PTPRD: variants seen among roughly 807,000 people sequenced by gnomAD.
PTPRD encodes the protein protein tyrosine phosphatase receptor type D, also known as receptor-type tyrosine-protein phosphatase delta.
A neutral mutation model predicts 214.5 loss-of-function variants in PTPRD; 34 were observed. That is an observed-to-expected ratio of 0.16 (90% CI 0.12 to 0.21). The LOEUF is 0.21. Ranked by LOEUF, PTPRD falls within the 10% of genes least tolerant of loss-of-function variation. The pLI is 1.00. For synonymous variants in PTPRD, 1,128 were observed against 845.7 expected (o/e 1.33, Z -5.79); for missense variants, 2,545 against 2,398.7 (o/e 1.06, Z -1.27).
rs186646819 is a variant in PTPRD, at chr9:10,262,230, A to T, written c.-545+78733T>A. Among the ~76,000 whole-genome samples, 197 of 152,332 alleles carry T rather than the reference A, an allele frequency of 1.3e-3. 1 individual carries two copies. In the Middle Eastern group the frequency reaches 0.014, roughly 11 times the overall value. On this transcript the variant is annotated intron_variant, in intron 3 of 45. Transcript: ENST00000381196. Reference sequence around the variant, plus strand: ...TTTTCAAGAAATGGTGAAAATGTTAAAGAATAAACAATATTTTGAAAAAGG... The same window carrying T: ...TTTTCAAGAAATGGTGAAAATGTTATAGAATAAACAATATTTTGAAAAAGG...
rs909589365 is a variant in PTPRD, at chr9:8,911,802, A to T, written c.-104+106895T>A. 5.3e-5 allele frequency among the ~76,000 whole-genome samples: 8 copies of T among 152,310 alleles called. No individual in the cohort carries two copies. The East Asian group carries it at 1.2e-3, about 22-fold the overall frequency. Reference sequence around the variant, plus strand: ...GAGGAATTATATCCAAAAGATATAAATAACTCATAAACTTCAATAAGATAA... The same window carrying T: ...GAGGAATTATATCCAAAAGATATAATTAACTCATAAACTTCAATAAGATAA... On this transcript the variant is annotated intron_variant, in intron 11 of 45. Coordinates refer to ENST00000381196, the MANE Select transcript of PTPRD (RefSeq NM_002839.4).
chr9:9,079,807 T>C (rs1238567741), intron 10 of PTPRD, among the ~76,000 whole-genome samples: 1 of 152,064 alleles, frequency 6.6e-6, no homozygotes, highest in Non-Finnish European at 1.5e-5. Context: ...ATTCAGCCCA[T>C]ATGCTGTGGT....
chr9:9,224,699 A>G (rs143015250), intron 9 of PTPRD, among the ~76,000 whole-genome samples: 24 of 152,070 alleles, frequency 1.6e-4, no homozygotes, highest in South Asian at 4.1e-4. Context: ...CTTTTAAATG[A>G]TATCACACTT....
intron 8 of PTPRD, among the ~76,000 whole-genome samples, chr9:9,529,084 C>T (rs1345738178): frequency 6.6e-6 from 1 of 151,510 alleles, no homozygotes; most frequent in Non-Finnish European, 1.5e-5. Context: ...AGGTGCATGC[C>T]ACCACGCCTA....
At chr9:8,395,670 G>A (rs759090732) in intron 36 of PTPRD, among the ~76,000 whole-genome samples, 8 of 151,770 alleles carry the variant, frequency 5.3e-5, no homozygotes, top group East Asian at 1.9e-4. Flanking sequence ...TGTGGGCATC[G>A]TAGCTCAACC....
chr9:10,166,684 T>C (rs909764147), intron 3 of PTPRD, among the ~76,000 whole-genome samples: 10 of 152,044 alleles, frequency 6.6e-5, no homozygotes, highest in African/African-American at 2.4e-4. Flanking sequence ...AAAATTGTTC[T>C]TCTTCCCTAG....
At chr9:8,381,894 C>T (rs1012465606) in intron 37 of PTPRD, among the ~76,000 whole-genome samples, 3 of 152,166 alleles carry the variant, frequency 2.0e-5, no homozygotes, top group Non-Finnish European at 4.4e-5. Context: ...TTGTCCTAAC[C>T]AGAGCAGAAC....
chr9:8,552,543 C>T (rs2082413454), intron 14 of PTPRD, among the ~76,000 whole-genome samples: 1 of 152,126 alleles, frequency 6.6e-6, no homozygotes, highest in Non-Finnish European at 1.5e-5. Context: ...TGGGAGACTT[C>T]TCGCAGCTTC....
At chr9:10,455,500 GCCC>G in intron 2 of PTPRD, among the ~76,000 whole-genome samples, 1 of 151,590 alleles carries the variant, frequency 6.6e-6, no homozygotes, top group Middle Eastern at 3.4e-3. Context: ...CCACTCTGAT[GCCC>G]CAGCCACACC....
chr9:8,549,419 G>T (rs1026427515), intron 14 of PTPRD, among the ~76,000 whole-genome samples: 2 of 152,154 alleles, frequency 1.3e-5, no homozygotes, highest in Non-Finnish European at 2.9e-5. Context: ...ATGACAGCTG[G>T]AATCATGCAG....
At chr9:9,528,832 C>T (rs981950129) in intron 8 of PTPRD, among the ~76,000 whole-genome samples, 1 of 151,474 alleles carries the variant, frequency 6.6e-6, no homozygotes, top group African/African-American at 2.4e-5. Context: ...AAAAAAAAAT[C>T]CATCATTCAA....
chr9:9,867,534 A>G (rs1224549977), intron 5 of PTPRD, among the ~76,000 whole-genome samples: 1 of 152,156 alleles, frequency 6.6e-6, no homozygotes, highest in Non-Finnish European at 1.5e-5. Flanking sequence ...TCTCAGAGGA[A>G]CTGAGATTCA....
intron 3 of PTPRD, among the ~76,000 whole-genome samples, chr9:10,206,032 TAA>T (rs77620088): frequency 2.9e-4 from 38 of 129,728 alleles, no homozygotes; most frequent in Admixed American, 2.4e-4. Flanking sequence ...TAGCTTTATG[TAA>T]AAAAAAAAAA....
intron 10 of PTPRD, among the ~76,000 whole-genome samples, chr9:9,093,711 T>G (rs945291310): frequency 2.6e-5 from 4 of 151,678 alleles, no homozygotes; most frequent in Non-Finnish European, 5.9e-5. Flanking sequence ...GAGGAAAATT[T>G]ATAGCATTAA....
At chr9:9,425,092 C>A (rs1448747655) in intron 8 of PTPRD, among the ~76,000 whole-genome samples, 1 of 152,010 alleles carries the variant, frequency 6.6e-6, no homozygotes, top group Non-Finnish European at 1.5e-5. Flanking sequence ...AAACATAGAA[C>A]TTGGGCTAGA....
At chr9:10,150,104 T>G (rs907171519) in intron 3 of PTPRD, among the ~76,000 whole-genome samples, 5 of 152,204 alleles carry the variant, frequency 3.3e-5, no homozygotes, top group African/African-American at 1.2e-4. Context: ...CACTAAATTT[T>G]AGAAATCTAG....
At chr9:9,504,281 A>G (rs1034976649) in intron 8 of PTPRD, among the ~76,000 whole-genome samples, 1 of 151,664 alleles carries the variant, frequency 6.6e-6, no homozygotes, top group African/African-American at 2.4e-5. Context: ...CATCTGTTTT[A>G]TATGTCTTTA....
At chr9:10,260,596 G>A (rs542917925) in intron 3 of PTPRD, among the ~76,000 whole-genome samples, 1 of 152,218 alleles carries the variant, frequency 6.6e-6, no homozygotes, top group Admixed American at 6.5e-5. Flanking sequence ...CAAGAATTGA[G>A]CTCCTTAAGA....
intron 21 of PTPRD, among the ~76,000 whole-genome samples, chr9:8,513,431 G>A (rs979626974): frequency 2.0e-5 from 3 of 151,830 alleles, no homozygotes; most frequent in Non-Finnish European, 4.4e-5. Context: ...CTGTTCTTTT[G>A]GAATCCGGTT....
Sources: gnomAD v4.1 joint callset for allele counts (sites outside exome capture counted in the v4.1 genomes callset) on GRCh38, gnomAD v4.1.1 for gene constraint, MANE v1.5 for transcripts, NCBI Gene and HGNC (gene_info 2026-07-23, HGNC 2026-07-21) for gene names.